Variants in FAM13B observed in about 807,000 individuals in gnomAD.
The protein encoded by FAM13B is family with sequence similarity 13 member B, also known as protein FAM13B.
FAM13B carries 60 observed loss-of-function variants against 117.3 expected under a neutral mutation model. The ratio of observed to expected loss-of-function variants is 0.51; its 90% confidence interval spans 0.42 to 0.63. The LOEUF (loss-of-function observed/expected upper bound fraction) is 0.63, where lower values mean the gene tolerates loss of function less well. Ranked by LOEUF, FAM13B falls within the 30% of genes least tolerant of loss-of-function variation. The probability of loss-of-function intolerance (pLI) is 0.00; values close to 1 mark genes in which losing one functional copy is unlikely to be tolerated. For missense variants in FAM13B, 972 were observed against 1,091.9 expected (o/e 0.89, Z 1.55); for synonymous variants, 332 against 356.1 (o/e 0.93, Z 0.76).
intron 16 of FAM13B, 147 bp from the exon 17 acceptor site, chr5:137,952,856 A>C: frequency 3.7e-6 from 2 of 546,762 alleles, no homozygotes; most frequent in Non-Finnish European, 6.3e-6. Flanking sequence ...CAGGATATTA[A>C]GTCAAGTTCT....
chr5:137,948,987 G>C lies in FAM13B; in HGVS notation c.2128C>G (p.Arg710Gly), dbSNP rs1015248554. ...TCTTCTGGAAGACACCTCTCAATAC[G>C]TTTTTCTTTCAGTCTTTTAAGAATA... Reference protein sequence around the residue: ...ELILKRLKEKRIERCLPEDIK... With the variant: ...ELILKRLKEKGIERCLPEDIK... Residue 710 changes from arginine (R) to glycine (G), a missense_variant, in exon 18 of 24, where the codon CGT (arginine) becomes GGT (glycine). Transcript: ENST00000689681. The C allele has an allele frequency of 6.2e-7, 1 of 1,613,710 alleles. No homozygotes were observed. Among genetic ancestry groups the C allele is most frequent in the African/African-American group, 1.3e-5 (1 of 75,002 alleles).
At chr5:138,043,735 G>C (rs1232573152) in intron 1 of FAM13B, among the ~76,000 whole-genome samples, 1 of 151,860 alleles carries the variant, frequency 6.6e-6, no homozygotes, top group African/African-American at 2.4e-5. Flanking sequence ...ACCGCACCCG[G>C]CCTCTTTTTT....
intron 5 of FAM13B, 124 bp downstream of exon 5, chr5:138,011,644 T>C (rs1339807675): frequency 1.6e-6 from 1 of 619,838 alleles, no homozygotes; most frequent in African/African-American, 1.9e-5. Context: ...GGTCTCAATC[T>C]CCTGACCTTG....
intron 10 of FAM13B, among the ~76,000 whole-genome samples, chr5:137,979,087 A>C (rs1292406958): frequency 6.7e-6 from 1 of 148,598 alleles, no homozygotes; most frequent in African/African-American, 2.5e-5. Context: ...ATCTCAGCTC[A>C]CTGCAACCTC....
intron 7 of FAM13B, among the ~76,000 whole-genome samples, chr5:137,994,985 C>T (rs1398844961): frequency 1.3e-5 from 2 of 152,176 alleles, no homozygotes; most frequent in Non-Finnish European, 2.9e-5. Context: ...GCAGTTCAGC[C>T]TCAACTGACT....
intron 18 of FAM13B, 38 bp downstream of exon 18, chr5:137,948,917 A>G (rs775609398): frequency 2.0e-6 from 3 of 1,518,136 alleles, no homozygotes; most frequent in South Asian, 1.1e-5. Flanking sequence ...CAGGAATTCT[A>G]AAGGCTAATC....
At chr5:137,987,919 T>C (rs1193851130) in intron 8 of FAM13B, among the ~76,000 whole-genome samples, 1 of 152,182 alleles carries the variant, frequency 6.6e-6, no homozygotes, top group Admixed American at 6.5e-5. Flanking sequence ...AATAAGGCTT[T>C]TCAAAGCTAT....
rs115822612 is a variant in FAM13B at position 137,959,571 on chromosome 5, T to C, written c.1441+45A>G. ...TATCATTGCTTAGGGTAATTTCGGT[T>C]ACAAGTAACATTATCAGGAAAATAA... On this transcript the variant is annotated intron_variant, in intron 13 of 23. Coordinates refer to ENST00000689681, the MANE Select transcript of FAM13B (RefSeq NM_001385994.1). The C allele has an allele frequency of 8.1e-5, 130 of 1,607,142 alleles. No individual in the cohort carries two copies. In the African/African-American group the frequency reaches 1.6e-3, roughly 19 times the overall value.
intron 7 of FAM13B, among the ~76,000 whole-genome samples, chr5:138,003,719 C>T (rs989622124): frequency 2.6e-5 from 4 of 152,166 alleles, no homozygotes; most frequent in African/African-American, 4.8e-5. Flanking sequence ...AAATTTAGGG[C>T]AGACCCTCTC....
chr5:138,051,783 A>G (rs929964281), intron 1 of FAM13B: 9 of 152,168 alleles, frequency 5.9e-5, no homozygotes, highest in Non-Finnish European at 1.5e-5. Flanking sequence ...ACCCTGGTCT[A>G]TTTTACTCTA....
At chr5:138,002,823 A>G (rs770868653) in intron 7 of FAM13B, among the ~76,000 whole-genome samples, 28 of 143,672 alleles carry the variant, frequency 1.9e-4, no homozygotes, top group Non-Finnish European at 3.6e-4. Context: ...CCGCCACCAC[A>G]CCCGGCTAAT....
intron 1 of FAM13B, among the ~76,000 whole-genome samples, chr5:138,051,727 A>G (rs1474171463): frequency 1.3e-5 from 2 of 152,190 alleles, no homozygotes; most frequent in Non-Finnish European, 2.9e-5. Flanking sequence ...AAAACAACCC[A>G]TTTTGCAGAT....
upstream of FAM13B, among the ~76,000 whole-genome samples, chr5:138,037,821 A>T (rs867889064): frequency 5.9e-5 from 9 of 152,312 alleles, no homozygotes; most frequent in Middle Eastern, 3.4e-3. Flanking sequence ...AGCCAAAAAG[A>T]TATATTCTAT....
chr5:138,010,853 A>C (rs1220237681), intron 6 of FAM13B, among the ~76,000 whole-genome samples, 155 bp downstream of exon 6: 1 of 151,736 alleles, frequency 6.6e-6, no homozygotes, highest in Admixed American at 6.6e-5. Context: ...AAAAATCATG[A>C]ATGTGCCACC....
At chr5:138,017,189 A>T (rs576752837) in intron 4 of FAM13B, among the ~76,000 whole-genome samples, 1 of 152,352 alleles carries the variant, frequency 6.6e-6, no homozygotes, top group South Asian at 2.1e-4. Flanking sequence ...AGTTCAAAGT[A>T]AGCCTTATGA....
At chr5:138,021,521 T>C (rs1026934443) in intron 1 of FAM13B, among the ~76,000 whole-genome samples, 1 of 151,452 alleles carries the variant, frequency 6.6e-6, no homozygotes, top group Admixed American at 6.6e-5. Flanking sequence ...CCCCATCCCA[T>C]TCCTTCCTCA....
intron 11 of FAM13B, among the ~76,000 whole-genome samples, chr5:137,961,702 A>G (rs1768173343): frequency 1.3e-5 from 2 of 152,226 alleles, no homozygotes; most frequent in African/African-American, 4.8e-5. Context: ...AATATTTACA[A>G]TCTAGCCTGC....
intron 9 of FAM13B, among the ~76,000 whole-genome samples, chr5:137,985,626 G>A (rs550421791): frequency 2.6e-5 from 4 of 152,236 alleles, no homozygotes; most frequent in South Asian, 2.1e-4. Flanking sequence ...GTTCATAAGC[G>A]AATAAATAGC....
At chr5:137,973,578 G>A (rs1451745952) in intron 10 of FAM13B, among the ~76,000 whole-genome samples, 1 of 152,178 alleles carries the variant, frequency 6.6e-6, no homozygotes, top group Non-Finnish European at 1.5e-5. Flanking sequence ...AACACTAAAA[G>A]CAACGGCAAC....
Sources: allele counts gnomAD v4.1 joint callset (sites outside exome capture counted in the v4.1 genomes callset), GRCh38; gene constraint gnomAD v4.1.1; transcripts MANE v1.5; gene names NCBI Gene and HGNC (gene_info 2026-07-23, HGNC 2026-07-21).